The following EEF2 variants were observed in gnomAD, a reference collection of about 807,000 sequenced individuals.
The protein encoded by EEF2 is eukaryotic translation elongation factor 2, also known as elongation factor 2.
EEF2 carries 21 observed loss-of-function variants against 85.3 expected under a neutral mutation model. The ratio of observed to expected loss-of-function variants is 0.25; its 90% CI spans 0.17 to 0.35. The LOEUF (loss-of-function observed/expected upper bound fraction) is 0.35, where lower values mean the gene tolerates loss of function less well. EEF2 is among the 10% of genes least tolerant of loss of function. EEF2 has a pLI of 1.00. For synonymous variants in EEF2, 723 were observed against 508.8 expected, an observed-to-expected ratio of 1.42 and a Z score of -5.67; for missense variants, 825 against 1,225.3, an observed-to-expected ratio of 0.67 and a Z score of 4.88.
rs764008405 is a variant in EEF2 at position 3,976,602 on chromosome 19, G to C, written c.2529C>G (p.Gly843=). 13 of 1,610,706 alleles carry C rather than the reference G, an allele frequency of 8.1e-6. No individual in the cohort carries two copies. The African/African-American group carries it at 1.7e-4, about 22-fold the overall frequency. Residue 843 remains glycine, a synonymous_variant, in exon 15 of 15, where the codon GGC becomes GGG. Transcript: ENST00000309311. ...QVVAETRKRK[G]LKEGIPALDN... is the part of the protein sequence containing the mutation. ...CCAGGGCAGGGATGCCTTCTTTCAG[G>C]CCCTTGCGCTTGCGGGTCTCCGCCA...
intron 11 of EEF2, 105 bp downstream of exon 11, chr19:3,979,224 C>A: frequency 2.4e-6 from 2 of 836,244 alleles, no homozygotes; most frequent in South Asian, 3.3e-5. Flanking sequence ...AGACCAAGAC[C>A]GAGATCAAGT....
At chr19:3,978,203 C>T (rs759664411) in intron 11 of EEF2, 31 bp from the exon 12 acceptor site, 30 of 1,432,136 alleles carry the variant, frequency 2.1e-5, no homozygotes, top group Non-Finnish European at 2.8e-5. Flanking sequence ...CCACTCTTGC[C>T]TGGAGAAAGA....
At chr19:3,981,571 C>T (rs1448966947) in intron 6 of EEF2, 119 bp from the exon 7 acceptor site, 2 of 944,822 alleles carry the variant, frequency 2.1e-6, no homozygotes, top group Non-Finnish European at 3.3e-6. Context: ...GGAGCAGGAG[C>T]AGGCCTGGCC....
intron 9 of EEF2, 77 bp downstream of exon 9, chr19:3,980,437 A>G: frequency 6.6e-7 from 1 of 1,507,834 alleles, no homozygotes; most frequent in South Asian, 1.3e-5. Context: ...CTAGCTCCCG[A>G]CTGAGGAGCC....
intron 10 of EEF2, 49 bp downstream of exon 10, chr19:3,979,759 C>T (rs780134531): frequency 6.3e-7 from 1 of 1,584,666 alleles, no homozygotes; most frequent in Non-Finnish European, 8.6e-7. Context: ...AGGACACAAG[C>T]CGTCCCCCCT....
chr19:3,984,089 C>T, intron 2 of EEF2, 47 bp downstream of exon 2: 2 of 1,597,030 alleles, frequency 1.3e-6, no homozygotes, highest in Non-Finnish European at 1.7e-6. Context: ...CTCCAGCTGC[C>T]AGGCCAGCAC....
In EEF2 at chr19:3,976,650, G is replaced by A. The variant is rs2145355004; in HGVS notation, c.2481C>T (p.Asn827=). 3.1e-6 allele frequency: 5 copies of A among 1,609,970 alleles called. No individual in the cohort carries two copies. The highest frequency in any genetic ancestry group is 4.2e-6 in the Non-Finnish European group (5 of 1,178,776). ...WQILPGDPFD[N]SSRPSQVVAE... ...CCACCACCTGGCTGGGGCGGCTGCT[G>A]TTGTCGAAGGGGTCTCCGGGCAGGA... Residue 827 remains asparagine (N), a synonymous_variant, in exon 15 of 15, where the codon AAC becomes AAT. Coordinates refer to ENST00000309311, the MANE Select transcript of EEF2 (RefSeq NM_001961.4).
In EEF2 at chr19:3,976,533, A is replaced by G. The variant is rs780417052; in HGVS notation, c.*21T>C. 41 of 1,588,534 alleles carry G rather than the reference A, an allele frequency of 2.6e-5. No individual in the cohort carries two copies. In the Admixed American group the frequency reaches 6.9e-4, roughly 27 times the overall value. ...GGGTGCTGCGAGTCCCCGGGGCGGC[A>G]GGCGCTGCAGGAAGGGCCGCCTACA... is the stretch of plus-strand genomic sequence containing the variant. On this transcript the variant is annotated 3_prime_UTR_variant, in exon 15 of 15. Coordinates refer to ENST00000309311, the MANE Select transcript of EEF2 (RefSeq NM_001961.4).
At chr19:3,978,218 A>G in intron 11 of EEF2, 46 bp from the exon 12 acceptor site, 1 of 1,409,908 alleles carries the variant, frequency 7.1e-7, no homozygotes, top group Non-Finnish European at 9.3e-7. Flanking sequence ...GAAAGAGGTG[A>G]CCTTACACAC....
chr19:3,982,104 TG>T (rs767772675), intron 5 of EEF2, 52 bp from the exon 6 acceptor site: 3 of 1,606,688 alleles, frequency 1.9e-6, no homozygotes, highest in Non-Finnish European at 2.6e-6. Flanking sequence ...GGGGATGACT[TG>T]GGGAGGGTGG....
chr19:3,984,156 A>T lies in EEF2; in HGVS notation c.198T>A (p.Arg66=). The T allele has an allele frequency of 6.2e-7, 1 of 1,613,824 alleles. No homozygotes were observed. The highest frequency in any genetic ancestry group is 1.3e-5 in the African/African-American group (1 of 75,032). ...FTDTRKDEQE[R]CITIKSTAIS... Reference sequence around the variant, plus strand: ...CTCACGTTGACTTGATGGTGATGCAACGCTCCTGCTCGTCCTTCCGGGTAT... The same window carrying T: ...CTCACGTTGACTTGATGGTGATGCATCGCTCCTGCTCGTCCTTCCGGGTAT... The change falls in exon 2 of 15, where the codon CGT becomes CGA. Residue 66 remains arginine (R), a synonymous_variant. Coordinates refer to ENST00000309311, the MANE Select transcript of EEF2 (RefSeq NM_001961.4).
chr19:3,982,422 G>C lies in EEF2; in HGVS notation c.615C>G (p.Ile205Met). ...AGCCCACGGTACCGAGGACAGGATC[G>C]ATCTGGAAGTGTGAGAAACGAGAAG... The part of the protein sequence containing the change: ...GESGPMGNIM[I>M]DPVLGTVGFG... Residue 205 changes from isoleucine to methionine, a missense_variant and splice_region_variant, in exon 5 of 15, where the codon ATC becomes ATG. Transcript: ENST00000309311. 1 of 1,614,038 alleles carries C rather than the reference G, an allele frequency of 6.2e-7. No individual in the cohort carries two copies. Among genetic ancestry groups the C allele is most frequent in the Non-Finnish European group, 8.5e-7 (1 of 1,180,042 alleles).
chr19:3,981,705 C>T (rs544787205), intron 6 of EEF2, among the ~76,000 whole-genome samples: 1 of 152,354 alleles, frequency 6.6e-6, no homozygotes, highest in South Asian at 2.1e-4. Flanking sequence ...AGCACTGAAC[C>T]GCCAAAGCCA....
chr19:3,976,484 G>A lies in EEF2; in HGVS notation c.*70C>T, dbSNP rs1265162115. ...TCGGGACAGTCTCCAGGTGTCGTCT[G>A]AGAATTCGAGGACGTGGTGCTGTGG... On this transcript the variant is annotated 3_prime_UTR_variant, in exon 15 of 15. Transcript: ENST00000309311. 1.4e-5 allele frequency: 21 copies of A among 1,527,952 alleles called. No individual in the cohort carries two copies. In the East Asian group the frequency reaches 3.4e-4, roughly 25 times the overall value. The allele number at this position is 1,527,952 out of a possible 1,614,324, so 94.6% of individuals were successfully genotyped here.
chr19:3,980,339 G>A (rs1259380269), intron 9 of EEF2, among the ~76,000 whole-genome samples, 175 bp downstream of exon 9: 1 of 152,270 alleles, frequency 6.6e-6, no homozygotes, highest in Non-Finnish European at 1.5e-5. Flanking sequence ...GGGGCTTGGA[G>A]CTTCTCCAGA....
chr19:3,980,313 G>A (rs2039729502), intron 9 of EEF2, among the ~76,000 whole-genome samples: 1 of 152,238 alleles, frequency 6.6e-6, no homozygotes, highest in African/African-American at 2.4e-5. Context: ...AGATGAGCAG[G>A]GGTGTGCTGT....
chr19:3,985,397 G>C lies in EEF2; in HGVS notation c.-17C>G. On this transcript the variant is annotated 5_prime_UTR_variant, in exon 1 of 15. Transcript: ENST00000309311. ...ACTCACCATGGTGGCGGATGGCGGT[G>C]GATTCTCCCAGGTAGAACCGAAAGA... The C allele has an allele frequency of 6.6e-7, 1 of 1,511,192 alleles. No individual in the cohort carries two copies. The allele number at this position is 1,511,192 out of a possible 1,614,324, so 93.6% of individuals were successfully genotyped here.
intron 4 of EEF2, 174 bp downstream of exon 4, chr19:3,982,633 C>T: frequency 9.3e-7 from 1 of 1,078,720 alleles, no homozygotes; most frequent in South Asian, 1.4e-5. Context: ...CTTCCAGCTG[C>T]CCAAAGATCA....
At chr19:3,983,564 T>G (rs16992164) in intron 2 of EEF2, among the ~76,000 whole-genome samples, 1 of 152,118 alleles carries the variant, frequency 6.6e-6, no homozygotes, top group African/African-American at 2.4e-5. Context: ...TCATCACACC[T>G]GACTCAAAGT....
Sources: gnomAD v4.1 joint callset for allele counts (sites outside exome capture counted in the v4.1 genomes callset) on GRCh38, gnomAD v4.1.1 for gene constraint, MANE v1.5 for transcripts, NCBI Gene and HGNC (gene_info 2026-07-23, HGNC 2026-07-21) for gene names.